The following ANKRD18A variants were observed in gnomAD, a reference collection of about 807,000 sequenced individuals.
ANKRD18A encodes the protein ankyrin repeat domain 18A.
Under a neutral mutation model 110.6 loss-of-function variants are expected in ANKRD18A, and 72 were observed. The observed-to-expected ratio is 0.65, with a 90% confidence interval of 0.54 to 0.79. The LOEUF (loss-of-function observed/expected upper bound fraction) is 0.79, where lower values mean the gene tolerates loss of function less well. Ranked by LOEUF, ANKRD18A falls within the 30% of genes least tolerant of loss-of-function variation. The pLI is 0.00. For synonymous variants in ANKRD18A, 305 were observed against 410.3 expected (o/e 0.74, Z 3.10); for missense variants, 934 against 1,163.3 (o/e 0.80, Z 2.87).
At position 38,571,451 on chromosome 9, in the gene ANKRD18A, C is replaced by T. The variant is rs1823640245; in HGVS notation, c.*594G>A. 5.4e-6 allele frequency: 3 copies of T among 557,650 alleles called. No homozygotes were observed. In the East Asian group the frequency reaches 1.7e-4, roughly 31 times the overall value. The allele number at this position is 557,650 out of a possible 1,614,324, so 34.5% of individuals were successfully genotyped here. Reference sequence around the variant, plus strand: ...TCATCTGGCAACCATCACAGTAATACTTGTTCAAACACAAGTCATCCATGA... The same window carrying T: ...TCATCTGGCAACCATCACAGTAATATTTGTTCAAACACAAGTCATCCATGA... On this transcript the variant is annotated 3_prime_UTR_variant, in exon 16 of 16. Coordinates refer to ENST00000399703, the MANE Select transcript of ANKRD18A (RefSeq NM_147195.4).
intron 12 of ANKRD18A, among the ~76,000 whole-genome samples, chr9:38,580,332 T>C (rs948858161): frequency 2.0e-5 from 3 of 152,158 alleles, no homozygotes; most frequent in African/African-American, 7.2e-5. Flanking sequence ...CCCAAGAGGT[T>C]GAGGCTGCAG....
intron 7 of ANKRD18A, among the ~76,000 whole-genome samples, chr9:38,602,291 C>T (rs1306712509): frequency 6.6e-6 from 1 of 151,268 alleles, no homozygotes; most frequent in Non-Finnish European, 1.5e-5. Flanking sequence ...TAAAAGCTGT[C>T]AGGGATGGCT....
intron 3 of ANKRD18A, among the ~76,000 whole-genome samples, chr9:38,612,514 TC>T (rs1247156291): frequency 3.3e-5 from 4 of 121,914 alleles, no homozygotes; most frequent in Non-Finnish European, 6.4e-5. Context: ...TGCATTTTTT[TC>T]TTTTTCTTTT....
chr9:38,569,623 GA>G (rs1823566378), downstream of ANKRD18A, among the ~76,000 whole-genome samples: 1 of 152,152 alleles, frequency 6.6e-6, no homozygotes, highest in Non-Finnish European at 1.5e-5. Flanking sequence ...CCCCTGAACT[GA>G]CATGTGTGCA....
At chr9:38,598,421 T>G (rs1328469353) in intron 8 of ANKRD18A, among the ~76,000 whole-genome samples, 2 of 152,168 alleles carry the variant, frequency 1.3e-5, no homozygotes, top group African/African-American at 4.8e-5. Flanking sequence ...TAATTACACA[T>G]TTAGATAACC....
At chr9:38,574,573 T>A (rs1237580402) in intron 15 of ANKRD18A, among the ~76,000 whole-genome samples, 3 of 151,924 alleles carry the variant, frequency 2.0e-5, no homozygotes, top group African/African-American at 4.8e-5. Context: ...TGCCTCGGCC[T>A]CCCAAAATGC....
At chr9:38,576,201 G>A (rs1021321700) in intron 14 of ANKRD18A, among the ~76,000 whole-genome samples, 1 of 152,202 alleles carries the variant, frequency 6.6e-6, no homozygotes, top group Non-Finnish European at 1.5e-5. Context: ...AAATACTTGT[G>A]TTTAGTAAAC....
intron 7 of ANKRD18A, among the ~76,000 whole-genome samples, chr9:38,601,754 G>T (rs954778320): frequency 8.5e-5 from 13 of 152,184 alleles, no homozygotes; most frequent in Middle Eastern, 3.4e-3. Context: ...ACTTTGGAAG[G>T]CCCAGGTGGG....
Position 38,595,827 on chromosome 9 carries a change from C to T in ANKRD18A, c.1513G>A (p.Gly505Arg). The T allele has an allele frequency of 6.4e-7, 1 of 1,551,242 alleles. No homozygotes were observed. Among genetic ancestry groups the T allele is most frequent in the South Asian group, 1.2e-5 (1 of 83,942 alleles). ...DALREKTLAL[G>R]SVQLDLRQAQ... ...TGCCTTAGGTCCAGCTGTACACTTC[C>T]TAAAGCCAATGTCTTTTCCCTGAGA... The change falls in exon 9 of 16, where the codon GGA becomes AGA. Residue 505 changes from glycine to arginine, a missense_variant. By Grantham distance (125) the Gly-to-Arg change is moderately radical. Transcript: ENST00000399703.
chr9:38,588,878 AT>A (rs1824508099), intron 10 of ANKRD18A, among the ~76,000 whole-genome samples: 2 of 152,212 alleles, frequency 1.3e-5, no homozygotes, highest in African/African-American at 4.8e-5. Flanking sequence ...CTTTTCTGAA[AT>A]TTAAACTGCC....
Position 38,620,245 on chromosome 9 carries a change from G to T in ANKRD18A, c.41C>A (p.Ala14Glu). The T allele has an allele frequency of 6.4e-7, 1 of 1,551,326 alleles. No homozygotes were observed. The change falls in exon 1 of 16, where the codon GCG becomes GAG. Residue 14 changes from alanine (A) to glutamate (E), a missense_variant. Around this residue, in one of 4 missense-constraint regions of ANKRD18A, gnomAD observed 630 missense variants for 797.5 expected, o/e 0.79. Transcript: ENST00000399703. ...LFSFGRRLGQ[A>E]LLSSMDQEYA... Reference sequence around the variant, plus strand: ...CTCTTGGTCCATGGAGCTCAGGAGCGCCTGGCCCAGGCGTCTCCCGAAGCT... The same window carrying T: ...CTCTTGGTCCATGGAGCTCAGGAGCTCCTGGCCCAGGCGTCTCCCGAAGCT...
At chr9:38,581,493 A>G (rs1465697101) in intron 12 of ANKRD18A, among the ~76,000 whole-genome samples, 2 of 152,204 alleles carry the variant, frequency 1.3e-5, no homozygotes, top group Non-Finnish European at 2.9e-5. Flanking sequence ...TCAATTAATG[A>G]AAATTCTAAA....
chr9:38,573,865 T>C (rs1823767786), intron 15 of ANKRD18A, among the ~76,000 whole-genome samples: 1 of 152,240 alleles, frequency 6.6e-6, no homozygotes, highest in Non-Finnish European at 1.5e-5. Flanking sequence ...GAAATTTATA[T>C]TCTTTAGTTA....
At chr9:38,616,299 G>T (rs762715999) in intron 1 of ANKRD18A, among the ~76,000 whole-genome samples, 1 of 152,200 alleles carries the variant, frequency 6.6e-6, no homozygotes, top group Non-Finnish European at 1.5e-5. Flanking sequence ...ACTCGGTCAC[G>T]TACCAGCTAT....
chr9:38,619,060 A>T (rs1708462119), intron 1 of ANKRD18A, among the ~76,000 whole-genome samples: 1 of 151,480 alleles, frequency 6.6e-6, no homozygotes, highest in Admixed American at 6.6e-5. Context: ...TCTTTTGTTA[A>T]TTTTTTTCTG....
At chr9:38,570,368 C>T (rs1823594753), downstream of ANKRD18A, among the ~76,000 whole-genome samples, 1 of 152,174 alleles carries the variant, frequency 6.6e-6, no homozygotes, top group Admixed American at 6.5e-5. Flanking sequence ...ACTGACCAGG[C>T]TCCAAGCCAC....
chr9:38,615,932 T>C lies in ANKRD18A; in HGVS notation c.319A>G (p.Lys107Glu). 6.4e-7 allele frequency: 1 copy of C among 1,560,776 alleles called. No individual in the cohort carries two copies. Among genetic ancestry groups the C allele is most frequent in the East Asian group, 2.3e-5 (1 of 42,884 alleles). ...TGAAAGAGTTGGCTACTATATACCT[T>C]CATTAAAGGTGTCCTGTTTAGTCTG... ...CDRLNRTPLMKAVHSQEEACA... is the reference protein window; with the variant it reads ...CDRLNRTPLMEAVHSQEEACA... Residue 107 changes from lysine to glutamate, a missense_variant and splice_region_variant, in exon 2 of 16, where the codon AAG becomes GAG. Lys to Glu is a moderately conservative substitution (Grantham distance 56). Around this residue, in one of 4 missense-constraint regions of ANKRD18A, gnomAD observed 630 missense variants for 797.5 expected, o/e 0.79. Transcript: ENST00000399703.
chr9:38,582,277 C>G (rs649646), intron 12 of ANKRD18A, among the ~76,000 whole-genome samples: 4 of 151,456 alleles, frequency 2.6e-5, no homozygotes, highest in Non-Finnish European at 4.4e-5. Flanking sequence ...ACTAAAGGTT[C>G]AAATGGAGAA....
Position 38,575,611 on chromosome 9 carries a change from C to T in ANKRD18A, c.2829G>A (p.Arg943=), listed in dbSNP as rs1587482558. Residue 943 remains arginine, a synonymous_variant, in exon 15 of 16, where the codon AGG becomes AGA. Coordinates refer to ENST00000399703, the MANE Select transcript of ANKRD18A (RefSeq NM_147195.4). ...CAACACAAGGTAACTCTGGTTCTGG[C>T]CTTGTAGGAAGAGTGCTGAGAAAAT... ...MKYFLSTLPT[R]PEPELPCVEN... is the part of the protein sequence containing the mutation. 1 of 1,551,630 alleles carries T rather than the reference C, an allele frequency of 6.4e-7. No homozygotes were observed. Among genetic ancestry groups the T allele is most frequent in the Non-Finnish European group, 8.7e-7 (1 of 1,146,858 alleles).
Sources: allele counts gnomAD v4.1 joint callset (sites outside exome capture counted in the v4.1 genomes callset), GRCh38; gene constraint gnomAD v4.1.1; regional missense constraint gnomAD v4.1.1; transcripts MANE v1.5; gene names NCBI Gene and HGNC (gene_info 2026-07-23, HGNC 2026-07-21).